USP37: variants seen among roughly 807,000 people sequenced by gnomAD.
The protein encoded by USP37 is ubiquitin carboxyl-terminal hydrolase 37.
In USP37, 27 loss-of-function variants were observed where a neutral mutation model predicts 124.0. That is an observed-to-expected ratio of 0.22 (90% CI 0.16 to 0.30). The LOEUF (loss-of-function observed/expected upper bound fraction) is 0.30. USP37 is among the 10% of genes least tolerant of loss of function. USP37 has a pLI of 1.00. For synonymous variants in USP37, 365 were observed against 388.0 expected, an observed-to-expected ratio of 0.94 and a Z score of 0.70; for missense variants, 889 against 1,140.4, an observed-to-expected ratio of 0.78 and a Z score of 3.17.
At chr2:218,555,403 G>A (rs1013864362) in intron 4 of USP37, among the ~76,000 whole-genome samples, 1 of 152,118 alleles carries the variant, frequency 6.6e-6, no homozygotes, top group African/African-American at 2.4e-5. Flanking sequence ...TAGCATCAAA[G>A]TGGGTCGTAA....
intron 10 of USP37, among the ~76,000 whole-genome samples, chr2:218,525,562 C>G (rs1690910217): frequency 6.6e-6 from 1 of 152,132 alleles, no homozygotes; most frequent in African/African-American, 2.4e-5. Flanking sequence ...GTTTTTGATA[C>G]TGTTACTCTG....
At chr2:218,457,234 T>A in intron 23 of USP37, 73 bp from the exon 24 acceptor site, 1 of 1,396,582 alleles carries the variant, frequency 7.2e-7, no homozygotes. Context: ...ATAAATTTAT[T>A]ATCAAAGCTG....
intron 8 of USP37, among the ~76,000 whole-genome samples, chr2:218,543,193 G>C (rs1333840291): frequency 6.6e-6 from 1 of 152,180 alleles, no homozygotes; most frequent in East Asian, 1.9e-4. Flanking sequence ...TAATCAGCTT[G>C]CAATCAGTGA....
intron 18 of USP37, among the ~76,000 whole-genome samples, chr2:218,478,530 C>A (rs1305069032): frequency 6.6e-6 from 1 of 152,138 alleles, no homozygotes; most frequent in African/African-American, 2.4e-5. Context: ...CTTCTAGGGC[C>A]TAATCATTCT....
chr2:218,518,593 T>C (rs182007499), intron 10 of USP37, among the ~76,000 whole-genome samples: 1 of 152,332 alleles, frequency 6.6e-6, no homozygotes, highest in East Asian at 1.9e-4. Flanking sequence ...TACTTCTTAC[T>C]GGAAGCTTTT....
intron 20 of USP37, among the ~76,000 whole-genome samples, chr2:218,470,835 T>C (rs1559167651): frequency 6.6e-6 from 1 of 152,298 alleles, no homozygotes; most frequent in Non-Finnish European, 1.5e-5. Context: ...TTATTGAGAA[T>C]CTATGTGCCA....
chr2:218,557,646 T>A (rs1371805131), intron 4 of USP37, among the ~76,000 whole-genome samples: 1 of 35,892 alleles, frequency 2.8e-5, no homozygotes, highest in African/African-American at 1.6e-4. Context: ...TATAATATCT[T>A]GGCTGGGCGC....
chr2:218,514,603 T>C (rs1247970517), intron 10 of USP37, among the ~76,000 whole-genome samples: 2 of 152,206 alleles, frequency 1.3e-5, no homozygotes, highest in South Asian at 2.1e-4. Context: ...AGGTATCTTC[T>C]GGGTTTCTCT....
At chr2:218,506,533 C>A (rs1701837437) in intron 11 of USP37, among the ~76,000 whole-genome samples, 1 of 151,534 alleles carries the variant, frequency 6.6e-6, no homozygotes, top group Admixed American at 6.6e-5. Context: ...TCAGGCGATC[C>A]ATGCACCTCC....
At chr2:218,552,272 G>T (rs916380831) in intron 5 of USP37, among the ~76,000 whole-genome samples, 1 of 152,144 alleles carries the variant, frequency 6.6e-6, no homozygotes, top group Admixed American at 6.6e-5. Flanking sequence ...TTCATTTTCT[G>T]ATGTTTTTAA....
chr2:218,462,922 T>C (rs1223309802), intron 22 of USP37, among the ~76,000 whole-genome samples: 1 of 152,046 alleles, frequency 6.6e-6, no homozygotes, highest in African/African-American at 2.4e-5. Context: ...ATCTCGGCAC[T>C]TTGGGAGGCT....
At chr2:218,540,751 AG>A (rs1215683483) in intron 8 of USP37, among the ~76,000 whole-genome samples, 8 of 152,218 alleles carry the variant, frequency 5.3e-5, no homozygotes, top group African/African-American at 1.9e-4. Context: ...ATCATGCATA[AG>A]GGGGGACTAC....
chr2:218,553,509 T>G (rs766957348), intron 5 of USP37, 44 bp downstream of exon 5: 2 of 1,542,516 alleles, frequency 1.3e-6, no homozygotes, highest in Non-Finnish European at 8.8e-7. Context: ...AGTCATAGCC[T>G]TGTAAAAATA....
Position 218,454,867 on chromosome 2 carries a change from A to G in USP37, c.*63T>C. On this transcript the variant is annotated 3_prime_UTR_variant, in exon 26 of 26. Coordinates refer to ENST00000258399, the MANE Select transcript of USP37 (RefSeq NM_020935.3). ...ATTCCAAATTCTCCTTCAGCAGAGG[A>G]AAGGTGAGGTGGGCAGCAGTAACAA... is the stretch of plus-strand genomic sequence containing the variant. The G allele has an allele frequency of 6.3e-7, 1 of 1,585,580 alleles. No individual in the cohort carries two copies.
At chr2:218,511,062 T>C (rs1689957239) in intron 10 of USP37, among the ~76,000 whole-genome samples, 1 of 152,160 alleles carries the variant, frequency 6.6e-6, no homozygotes, top group Non-Finnish European at 1.5e-5. Context: ...GTTATTTGAT[T>C]TTGCACTGTC....
At chr2:218,464,651 G>A (rs1366101980) in intron 21 of USP37, among the ~76,000 whole-genome samples, 1 of 152,196 alleles carries the variant, frequency 6.6e-6, no homozygotes, top group African/African-American at 2.4e-5. Context: ...GACTTGGATT[G>A]CACAGGATTA....
chr2:218,470,189 T>A (rs1690597436), intron 20 of USP37, among the ~76,000 whole-genome samples: 1 of 152,204 alleles, frequency 6.6e-6, no homozygotes, highest in Non-Finnish European at 1.5e-5. Flanking sequence ...ACCCACTCTC[T>A]TCCTGATATT....
chr2:218,457,832 G>A (rs1689773244), intron 23 of USP37, among the ~76,000 whole-genome samples: 1 of 151,784 alleles, frequency 6.6e-6, no homozygotes, highest in Admixed American at 6.6e-5. Context: ...CAGATCACGA[G>A]GTCAGGAGAT....
intron 14 of USP37, among the ~76,000 whole-genome samples, chr2:218,492,141 C>T (rs1688817731): frequency 6.6e-6 from 1 of 152,112 alleles, no homozygotes; most frequent in African/African-American, 2.4e-5. Context: ...GTTGAGGCTG[C>T]AGTGAGCTGT....
Sources: allele counts gnomAD v4.1 joint callset (sites outside exome capture counted in the v4.1 genomes callset), GRCh38; gene constraint gnomAD v4.1.1; transcripts MANE v1.5; gene names NCBI Gene and HGNC (gene_info 2026-07-23, HGNC 2026-07-21).